MICB: variants seen among roughly 807,000 people sequenced by gnomAD.
MICB encodes the protein MHC class I polypeptide-related sequence B.
In MICB, 27 loss-of-function variants were observed where a neutral mutation model predicts 34.3. That is an observed-to-expected ratio of 0.79 (90% CI 0.58 to 1.08). The LOEUF (loss-of-function observed/expected upper bound fraction) is 1.08. MICB is among the 50% of genes least tolerant of loss of function. The pLI is 0.00. For missense variants in MICB, 426 were observed against 483.1 expected, an observed-to-expected ratio of 0.88 and a Z score of 1.11; for synonymous variants, 153 against 187.4, an observed-to-expected ratio of 0.82 and a Z score of 1.50.
intron 1 of MICB, among the ~76,000 whole-genome samples, chr6:31,500,468 C>T (rs1764960386): frequency 6.6e-6 from 1 of 152,170 alleles, no homozygotes; most frequent in Non-Finnish European, 1.5e-5. Flanking sequence ...TCCCATTATG[C>T]TCTTTCAGTT....
At position 31,507,406 on chromosome 6, in the gene MICB, C is replaced by T. The variant is rs45470602; in HGVS notation, c.899C>T (p.Ala300Val). The T allele has an allele frequency of 5.6e-4, 911 of 1,614,070 alleles. 11 individuals carry two copies. The African/African-American group carries it at 0.01, about 18-fold the overall frequency. The change falls in exon 5 of 6, where the codon GCG (alanine) becomes GTG (valine). Residue 300 changes from alanine to valine, a missense_variant. Transcript: ENST00000252229. The surrounding 1 kb of genome is among the most constrained non-coding windows in gnomAD (Gnocchi z 6.0). ...ACAAGTCCCTTTTTTTCAGGGAAGG[C>T]GCTGGTGCTTCAGAGTCAACGGACA... Reference protein sequence around the residue: ...HGTHPVPSGKALVLQSQRTDF... With the variant: ...HGTHPVPSGKVLVLQSQRTDF...
rs1312258393 is a variant in MICB at position 31,505,639 on chromosome 6, C to T, written c.93C>T (p.Asn31=). ...AAAEPHSLRY[N]LMVLSQDGSV... Reference sequence around the variant, plus strand: ...CAGAGCCCCACAGTCTTCGTTACAACCTCATGGTGCTGTCCCAGGATGGAT... The same window carrying T: ...CAGAGCCCCACAGTCTTCGTTACAATCTCATGGTGCTGTCCCAGGATGGAT... The change falls in exon 2 of 6, where the codon AAC becomes AAT. Residue 31 remains asparagine, a synonymous_variant. Coordinates refer to ENST00000252229, the MANE Select transcript of MICB (RefSeq NM_005931.5). 4 of 1,612,660 alleles carry T rather than the reference C, an allele frequency of 2.5e-6. No homozygotes were observed. The African/African-American group carries it at 4.0e-5, about 16-fold the overall frequency.
chr6:31,498,135 C>A, upstream of MICB: 1 of 1,435,300 alleles, frequency 7.0e-7, no homozygotes. Context: ...GGGGTCTTCT[C>A]ACGGGTTTCA....
upstream of MICB, chr6:31,497,980 A>C: frequency 3.0e-6 from 1 of 331,266 alleles, no homozygotes. Context: ...CCGCCTTCTA[A>C]ATTTCCCCAG....
At chr6:31,505,266 G>A (rs903826464) in intron 1 of MICB, among the ~76,000 whole-genome samples, 11 of 152,008 alleles carry the variant, frequency 7.2e-5, no homozygotes, top group Non-Finnish European at 1.2e-4. Context: ...CATTCCCACT[G>A]TCCCCTCTGG....
upstream of MICB, among the ~76,000 whole-genome samples, chr6:31,495,940 C>A (rs1387852600): frequency 6.6e-6 from 1 of 152,116 alleles, no homozygotes; most frequent in Admixed American, 6.6e-5. Context: ...AGGGCACAGT[C>A]GGTACCATCA....
Position 31,498,161 on chromosome 6 carries a change from C to G in MICB, c.-33C>G. ...ACGGGTTTCATTCAGTTGGCCACTGCTGAGCAGCTGAGAAGGTGGCGACGT... is the reference window on the plus strand; with the variant it reads ...ACGGGTTTCATTCAGTTGGCCACTGGTGAGCAGCTGAGAAGGTGGCGACGT... On this transcript the variant is annotated 5_prime_UTR_variant, in exon 1 of 6. Coordinates refer to ENST00000252229, the MANE Select transcript of MICB (RefSeq NM_005931.5). 6.4e-7 allele frequency: 1 copy of G among 1,558,114 alleles called. No individual in the cohort carries two copies. Among genetic ancestry groups the G allele is most frequent in the Non-Finnish European group, 8.7e-7 (1 of 1,146,786 alleles).
At position 31,498,386 on chromosome 6, in the gene MICB, A is replaced by G. The variant is rs1764800930; in HGVS notation, c.70+123A>G. 4 of 567,550 alleles carry G rather than the reference A, an allele frequency of 7.0e-6. 1 individual carries two copies. Among genetic ancestry groups the G allele is most frequent in the South Asian group, 4.2e-5 (2 of 48,130 alleles). 35.2% of individuals were successfully genotyped at this position (567,550 alleles called of 1,614,324 possible). A position where few individuals can be genotyped will look rare whatever the true frequency, so the allele number is the denominator to read the frequency against. On this transcript the variant is annotated intron_variant, in intron 1 of 5. Transcript: ENST00000252229. The stretch of plus-strand genomic sequence containing the variant: ...GGCTCAGGTGTGCTGTCTGGAGTGC[A>G]GGGAGCTGGACGCCGCCTGTTCCCG...
rs1381806408 is a variant in MICB at position 31,507,928 on chromosome 6, G to C, written c.1024+397G>C. Among the ~76,000 whole-genome samples, 1 of 152,190 alleles carries C rather than the reference G, an allele frequency of 6.6e-6. No homozygotes were observed. The highest frequency in any genetic ancestry group is 2.4e-5 in the African/African-American group (1 of 41,448). ...ATCATGGTGTCAGAGGGAGGAAATA[G>C]TAAAGGTGGCTGTGATCTGGGGAGG... On this transcript the variant is annotated intron_variant, in intron 5 of 5. Coordinates refer to ENST00000252229, the MANE Select transcript of MICB (RefSeq NM_005931.5). The surrounding 1 kb of genome is among the most constrained non-coding windows in gnomAD (Gnocchi z 6.0).
chr6:31,508,725 A>C (rs1228273426), intron 5 of MICB, among the ~76,000 whole-genome samples: 1 of 152,214 alleles, frequency 6.6e-6, no homozygotes, highest in Non-Finnish European at 1.5e-5. Flanking sequence ...TATGAAATTC[A>C]TGTGCCAGTT....
rs772520548 is a variant in MICB at position 31,506,395 on chromosome 6, G to A, written c.578G>A (p.Arg193Gln). Residue 193 changes from arginine (R) to glutamine (Q), a missense_variant, in exon 3 of 6, where the codon CGA (arginine) becomes CAA (glutamine). Transcript: ENST00000252229. Reference protein sequence around the residue: ...MQADCLQKLQRYLKSGVAIRR... With the variant: ...MQADCLQKLQQYLKSGVAIRR... ...GCAGACTGCCTGCAGAAACTACAGC[G>A]ATATCTGAAATCCGGGGTGGCCATC... is the stretch of plus-strand genomic sequence containing the variant. 38 of 1,613,982 alleles carry A rather than the reference G, an allele frequency of 2.4e-5. No individual in the cohort carries two copies. Among genetic ancestry groups the A allele is most frequent in the Non-Finnish European group, 2.9e-5 (34 of 1,179,996 alleles).
Position 31,509,821 on chromosome 6 carries a change from G to A in MICB, c.1064G>A (p.Gly355Glu), listed in dbSNP as rs1209889385. 1 of 1,612,738 alleles carries A rather than the reference G, an allele frequency of 6.2e-7. No individual in the cohort carries two copies. The highest frequency in any genetic ancestry group is 2.2e-5 in the East Asian group (1 of 44,784). Residue 355 changes from glycine to glutamate, a missense_variant, in exon 6 of 6, where the codon GGG becomes GAG. Coordinates refer to ENST00000252229, the MANE Select transcript of MICB (RefSeq NM_005931.5). ...CAGGTCCTGGATCAACACCCAGTTGGGACAGGAGACCACAGGGATGCAGCA... is the reference window on the plus strand; with the variant it reads ...CAGGTCCTGGATCAACACCCAGTTGAGACAGGAGACCACAGGGATGCAGCA... ...SLQVLDQHPV[G>E]TGDHRDAAQL...
upstream of MICB, among the ~76,000 whole-genome samples, chr6:31,495,331 G>A (rs1461015398): frequency 6.6e-6 from 1 of 152,176 alleles, no homozygotes; most frequent in Non-Finnish European, 1.5e-5. Context: ...AAGTCCTGGA[G>A]GGAGGGTAGA....
upstream of MICB, among the ~76,000 whole-genome samples, chr6:31,496,506 A>G (rs1231977256): frequency 6.6e-6 from 1 of 151,180 alleles, no homozygotes; most frequent in Admixed American, 6.6e-5. Context: ...AGCTGGGACT[A>G]CAGGTACCCG....
In MICB at chr6:31,507,802, T is replaced by C. The variant is rs1261995049; in HGVS notation, c.1024+271T>C. On this transcript the variant is annotated intron_variant, in intron 5 of 5. Transcript: ENST00000252229. The surrounding 1 kb of genome is among the most constrained non-coding windows in gnomAD (Gnocchi z 6.0). ...GGGCAGCAGGGAGGGCTGTGGCACC[T>C]GCTCTGTCCCCATCCCAGCCTCTCT... Among the ~76,000 whole-genome samples, 1 of 152,100 alleles carries C rather than the reference T, an allele frequency of 6.6e-6. No homozygotes were observed. Among genetic ancestry groups the C allele is most frequent in the Non-Finnish European group, 1.5e-5 (1 of 68,008 alleles).
chr6:31,506,464 G>A (rs779250282), intron 3 of MICB, 34 bp downstream of exon 3: 22 of 1,598,540 alleles, frequency 1.4e-5, no homozygotes, highest in South Asian at 3.4e-5. Context: ...TACTGTTCCC[G>A]CAATTCTGCT....
upstream of MICB, among the ~76,000 whole-genome samples, chr6:31,495,444 T>C (rs1764603934): frequency 6.6e-6 from 1 of 152,012 alleles, no homozygotes; most frequent in Non-Finnish European, 1.5e-5. Context: ...AAATAATCTC[T>C]CTAAGGTGGG....
Position 31,507,109 on chromosome 6 carries a change from A to T in MICB, c.701A>T (p.Asn234Ile), listed in dbSNP as rs1322125406. ...AGGGCTTCCAGCTTCTATCCCCGGA[A>T]TATCACACTGACCTGGCGTCAGGAT... ...TCRASSFYPR[N>I]ITLTWRQDGV... The change falls in exon 4 of 6, where the codon AAT (asparagine) becomes ATT (isoleucine). Residue 234 changes from asparagine (N) to isoleucine (I), a missense_variant. Asn to Ile is a moderately radical substitution (Grantham distance 149, BLOSUM62 -3). Transcript: ENST00000252229. This position sits in a 1 kb window ranked among gnomAD's most constrained non-coding sequence, Gnocchi z 6.0. 6.2e-7 allele frequency: 1 copy of T among 1,614,080 alleles called. No individual in the cohort carries two copies. The highest frequency in any genetic ancestry group is 1.1e-5 in the South Asian group (1 of 91,074).
chr6:31,509,508 T>C (rs541001889), intron 5 of MICB, among the ~76,000 whole-genome samples: 6 of 152,248 alleles, frequency 3.9e-5, no homozygotes, highest in African/African-American at 1.4e-4. Flanking sequence ...GGCACTGGGT[T>C]CCCTCTTGGG....
Sources: gnomAD v4.1 joint callset for allele counts (sites outside exome capture counted in the v4.1 genomes callset) on GRCh38, gnomAD v4.1.1 for gene constraint, Gnocchi (gnomAD v3.1) non-coding constraint, MANE v1.5 for transcripts, NCBI Gene and HGNC (gene_info 2026-07-23, HGNC 2026-07-21) for gene names.